The following MAPKBP1 variants were observed in gnomAD, a reference collection of about 807,000 sequenced individuals.
The protein encoded by MAPKBP1 is mitogen-activated protein kinase-binding protein 1.
In MAPKBP1, 71 loss-of-function variants were observed where a neutral mutation model predicts 170.5. The ratio of observed to expected loss-of-function variants is 0.42; its 90% CI spans 0.34 to 0.51. The LOEUF is 0.51. Among genes scored for constraint, MAPKBP1 ranks in the 20% least tolerant of loss-of-function variants. The pLI, the probability that MAPKBP1 is intolerant of heterozygous loss-of-function variation, is 0.06. For missense variants in MAPKBP1, 1,598 were observed against 1,933.0 expected (o/e 0.83, Z 3.25); for synonymous variants, 719 against 757.9 (o/e 0.95, Z 0.84).
In MAPKBP1 at chr15:41,813,765, A is replaced by G; in HGVS notation, c.964A>G (p.Ser322Gly). ...CCATGCTCTGGGGACAGACATTGCT[A>G]GCGTCACCGAGGCCAGGTGAGCTAT... ...RPHALGTDIA[S>G]VTEASRLFSG... Residue 322 changes from serine (S) to glycine (G), a missense_variant, in exon 9 of 31, where the codon AGC (serine) becomes GGC (glycine). This residue lies in a region of MAPKBP1 where 430 missense variants were observed against 617.2 expected (regional missense o/e 0.70). Coordinates refer to ENST00000457542, the MANE Select transcript of MAPKBP1 (RefSeq NM_014994.3). 1 of 1,599,776 alleles carries G rather than the reference A, an allele frequency of 6.3e-7. No homozygotes were observed.
chr15:41,780,286 T>C (rs1272620323), intron 2 of MAPKBP1, among the ~76,000 whole-genome samples: 3 of 152,242 alleles, frequency 2.0e-5, no homozygotes, highest in African/African-American at 7.2e-5. Flanking sequence ...ATTTCTTGAC[T>C]GATGAAAAAA....
chr15:41,805,092 C>T (rs2064667540), intron 3 of MAPKBP1, among the ~76,000 whole-genome samples: 1 of 152,188 alleles, frequency 6.6e-6, no homozygotes, highest in Non-Finnish European at 1.5e-5. Flanking sequence ...AGAAACAAAA[C>T]TCAGAAAATT....
intron 2 of MAPKBP1, among the ~76,000 whole-genome samples, chr15:41,781,935 G>A (rs917415041): frequency 1.3e-4 from 19 of 151,876 alleles, no homozygotes; most frequent in Non-Finnish European, 2.5e-4. Flanking sequence ...TAGCACTTAA[G>A]AAAACAAGAC....
chr15:41,817,031 T>C lies in MAPKBP1; in HGVS notation c.1707T>C (p.Phe569=). 1 of 1,587,636 alleles carries C rather than the reference T, an allele frequency of 6.3e-7. No homozygotes were observed. The highest frequency in any genetic ancestry group is 8.6e-7 in the Non-Finnish European group (1 of 1,163,638). Residue 569 remains phenylalanine, a synonymous_variant, in exon 14 of 31, where the codon TTT becomes TTC. Coordinates refer to ENST00000457542, the MANE Select transcript of MAPKBP1 (RefSeq NM_014994.3). The surrounding 1 kb of genome is among the most constrained non-coding windows in gnomAD (Gnocchi z 4.2). ...CATCCTCCATCACTGCTGTTAAGTT[T>C]GCAGGTGCGGGCAGGGTGAATGAGA... ...EHSSSITAVK[F]AASDGQVRMI... is the part of the protein sequence containing the mutation.
In MAPKBP1 at chr15:41,811,245, GAAGAGGGCTGGCAGTACTGTA is replaced by G. The variant is rs2064800151; in HGVS notation, c.327+19_327+39del. The G allele has an allele frequency of 6.2e-7, 1 of 1,614,134 alleles. No homozygotes were observed. The highest frequency in any genetic ancestry group is 1.3e-5 in the African/African-American group (1 of 74,952). ...CTTGGTCACTGGAGAGGTGAGTGAGGAAGAGGGCTGGCAGTACTGTAAAGAGGGCAGGTGTCCTGGCCTCCG... is the reference window on the plus strand; with the variant it reads ...CTTGGTCACTGGAGAGGTGAGTGAGGAAGAGGGCAGGTGTCCTGGCCTCCG... On this transcript the variant is annotated intron_variant, in intron 5 of 30. Coordinates refer to ENST00000457542, the MANE Select transcript of MAPKBP1 (RefSeq NM_014994.3).
Position 41,824,077 on chromosome 15 carries a change from C to T in MAPKBP1, c.4213+16C>T. On this transcript the variant is annotated intron_variant, in intron 29 of 30. Transcript: ENST00000457542. ...CAGGACTCAGGTGTGCACAGCTCCCCAGCTCTCATCTCCTGCCCCATCCTT... is the reference window on the plus strand; with the variant it reads ...CAGGACTCAGGTGTGCACAGCTCCCTAGCTCTCATCTCCTGCCCCATCCTT... 1.3e-6 allele frequency: 2 copies of T among 1,580,750 alleles called. No homozygotes were observed. Among genetic ancestry groups the T allele is most frequent in the Non-Finnish European group, 1.7e-6 (2 of 1,166,964 alleles).
chr15:41,820,754 A>G, intron 22 of MAPKBP1, 78 bp from the exon 23 acceptor site: 1 of 1,053,526 alleles, frequency 9.5e-7, no homozygotes, highest in South Asian at 1.4e-5. Context: ...CCAGGCACAT[A>G]GTAAGGGATA....
At chr15:41,806,800 C>G (rs774443948) in intron 3 of MAPKBP1, among the ~76,000 whole-genome samples, 1 of 152,176 alleles carries the variant, frequency 6.6e-6, no homozygotes, top group South Asian at 2.1e-4. Context: ...AAGATTGATA[C>G]AAACTGTGCC....
intron 10 of MAPKBP1, 118 bp from the exon 11 acceptor site, chr15:41,815,141 G>T: frequency 8.2e-7 from 1 of 1,217,768 alleles, no homozygotes; most frequent in Non-Finnish European, 1.2e-6. Context: ...CCTGTGACAG[G>T]CACTGGGCTA....
intron 8 of MAPKBP1, 83 bp from the exon 9 acceptor site, chr15:41,813,538 T>A (rs1028474547): frequency 6.4e-7 from 1 of 1,557,320 alleles, no homozygotes; most frequent in Admixed American, 1.8e-5. Flanking sequence ...TCCCTCCTCT[T>A]GGCAGGTGGC....
At chr15:41,782,978 C>G (rs933992541) in intron 2 of MAPKBP1, among the ~76,000 whole-genome samples, 2 of 152,208 alleles carry the variant, frequency 1.3e-5, no homozygotes, top group African/African-American at 4.8e-5. Context: ...GTTTCTGCTG[C>G]CTGTTCTTGT....
intron 30 of MAPKBP1, 187 bp from the exon 31 acceptor site, chr15:41,825,022 G>T (rs758532961): frequency 1.6e-5 from 9 of 561,058 alleles, no homozygotes; most frequent in Non-Finnish European, 1.9e-5. Context: ...CAATCCAATG[G>T]GTTCCTCCTT....
At chr15:41,787,612 C>T (rs1397943322) in intron 2 of MAPKBP1, among the ~76,000 whole-genome samples, 1 of 152,102 alleles carries the variant, frequency 6.6e-6, no homozygotes, top group Non-Finnish European at 1.5e-5. Context: ...GTGATCCACC[C>T]ACCTCAGCCT....
At chr15:41,813,364 C>T (rs2064837129) in intron 8 of MAPKBP1, 1 of 1,516,520 alleles carries the variant, frequency 6.6e-7, no homozygotes, top group East Asian at 2.3e-5. Context: ...GGTGCCTGCA[C>T]CTTCCTCTCT....
At chr15:41,810,744 A>T in intron 3 of MAPKBP1, 139 bp from the exon 4 acceptor site, 1 of 611,318 alleles carries the variant, frequency 1.6e-6, no homozygotes, top group Non-Finnish European at 2.9e-6. Flanking sequence ...AAAAAAGAAA[A>T]GGAAAAAAAC....
intron 3 of MAPKBP1, among the ~76,000 whole-genome samples, chr15:41,807,917 T>C (rs1430289556): frequency 2.6e-5 from 4 of 151,406 alleles, no homozygotes; most frequent in Non-Finnish European, 4.4e-5. Context: ...TGGGTGCCTG[T>C]AATCCCAGCT....
intron 5 of MAPKBP1, 125 bp downstream of exon 5, chr15:41,811,360 C>T: frequency 4.0e-6 from 4 of 1,009,988 alleles, no homozygotes; most frequent in Non-Finnish European, 6.2e-6. Context: ...CTGGTTTTCG[C>T]TATACCTTAA....
At chr15:41,775,874 A>C (rs867908058) in intron 2 of MAPKBP1, among the ~76,000 whole-genome samples, 1 of 152,212 alleles carries the variant, frequency 6.6e-6, no homozygotes, top group African/African-American at 2.4e-5. Context: ...CGGTGAAAAC[A>C]AATTTTTTTT....
rs977963880 is a variant in MAPKBP1, at chr15:41,827,243, T to G, written c.*1807T>G. ...CTGGAGGTGGAGGTGGAGGTTGCAG[T>G]GAGCCGAGATCGCGCCATTGCACTC... On this transcript the variant is annotated 3_prime_UTR_variant, in exon 31 of 31. Transcript: ENST00000457542. The G allele has an allele frequency of 6.6e-6, 1 of 150,786 alleles. No homozygotes were observed. The highest frequency in any genetic ancestry group is 1.5e-5 in the Non-Finnish European group (1 of 67,848). 9.3% of individuals were successfully genotyped at this position (150,786 alleles called of 1,614,324 possible).
Sources: gnomAD v4.1 joint callset for allele counts (sites outside exome capture counted in the v4.1 genomes callset) on GRCh38, gnomAD v4.1.1 for gene constraint, gnomAD v4.1.1 regional missense constraint, Gnocchi (gnomAD v3.1) non-coding constraint, MANE v1.5 for transcripts, NCBI Gene and HGNC (gene_info 2026-07-23, HGNC 2026-07-21) for gene names.